The following WWOX variants were observed in gnomAD, a reference collection of about 807,000 sequenced individuals.
The protein encoded by WWOX is WW domain containing oxidoreductase.
A neutral mutation model predicts 46.2 loss-of-function variants in WWOX; 69 were observed. The observed-to-expected ratio is 1.49, with a 90% CI of 1.23 to 1.82. WWOX has a LOEUF of 1.82. WWOX is among the 40% of genes most tolerant of loss of function. WWOX has a pLI of 0.00. For synonymous variants in WWOX, 359 were observed against 202.6 expected (o/e 1.77, Z -6.56); for missense variants, 919 against 542.6 (o/e 1.69, Z -6.89).
At chr16:78,265,637 C>T (rs12922400) in intron 5 of WWOX, among the ~76,000 whole-genome samples, 97,214 of 149,674 alleles carry the variant, frequency 0.65, 32,559 homozygotes, top group East Asian at 0.88. Context: ...GAGATTGTGC[C>T]GTTGCACTCC....
chr16:78,590,694 G>A (rs1040404822), intron 8 of WWOX, among the ~76,000 whole-genome samples: 1 of 152,220 alleles, frequency 6.6e-6, no homozygotes, highest in Non-Finnish European at 1.5e-5. Flanking sequence ...TAAGTATTGA[G>A]AAGGCACATC....
chr16:78,963,336 G>A (rs1029555682), intron 8 of WWOX, among the ~76,000 whole-genome samples: 2 of 152,138 alleles, frequency 1.3e-5, no homozygotes, highest in African/African-American at 4.8e-5. Context: ...GCCCATGGTG[G>A]TGTATGCCTG....
intron 8 of WWOX, among the ~76,000 whole-genome samples, chr16:79,158,496 A>G (rs2050424707): frequency 7.4e-6 from 1 of 135,028 alleles, no homozygotes; most frequent in African/African-American, 3.8e-5. Context: ...CCACACTTAC[A>G]AATACAACTC....
intron 8 of WWOX, among the ~76,000 whole-genome samples, chr16:78,868,596 C>A (rs918522095): frequency 1.5e-4 from 23 of 152,132 alleles, no homozygotes. Flanking sequence ...CCAATAGTTA[C>A]AGGAACATAG....
At chr16:78,743,002 C>T (rs939081121) in intron 8 of WWOX, among the ~76,000 whole-genome samples, 3 of 150,840 alleles carry the variant, frequency 2.0e-5, no homozygotes, top group African/African-American at 5.0e-5. Context: ...CCCAACTCCC[C>T]ACATACAGTC....
intron 5 of WWOX, among the ~76,000 whole-genome samples, chr16:78,172,111 A>C (rs1418633684): frequency 6.6e-6 from 1 of 152,176 alleles, no homozygotes; most frequent in African/African-American, 2.4e-5. Flanking sequence ...GTGATGCCGG[A>C]AGATTGGCCT....
chr16:78,761,356 A>G (rs2049789266), intron 8 of WWOX, among the ~76,000 whole-genome samples: 1 of 152,126 alleles, frequency 6.6e-6, no homozygotes, highest in South Asian at 2.1e-4. Flanking sequence ...AAAAGACATG[A>G]TGAGTTTTCA....
At chr16:78,728,052 TTCC>T (rs1567519454) in intron 8 of WWOX, among the ~76,000 whole-genome samples, 12 of 103,572 alleles carry the variant, frequency 1.2e-4, no homozygotes, top group African/African-American at 6.2e-4. Flanking sequence ...CTCTCCCTCC[TTCC>T]TTTTTTTTTT....
chr16:78,329,954 C>G (rs917997125), intron 5 of WWOX, among the ~76,000 whole-genome samples: 2 of 152,006 alleles, frequency 1.3e-5, no homozygotes, highest in Admixed American at 6.6e-5. Flanking sequence ...CTATGTTGCC[C>G]ACAGTAACAT....
intron 8 of WWOX, among the ~76,000 whole-genome samples, chr16:78,725,123 A>C (rs999434760): frequency 1.3e-5 from 2 of 152,076 alleles, no homozygotes; most frequent in Non-Finnish European, 2.9e-5. Flanking sequence ...GTAGTGAATG[A>C]ATCTCATGAG....
chr16:79,007,917 G>T lies in WWOX; in HGVS notation c.1057-203691G>T, dbSNP rs567487546. 2.8e-4 allele frequency among the ~76,000 whole-genome samples: 43 copies of T among 152,308 alleles called. 2 individuals are homozygous for T. Among genetic ancestry groups the T allele is most frequent in the Non-Finnish European group, 1.3e-4 (9 of 68,040 alleles). ...ATGATTCCTCATAACAACCTTGGGAGGTAGTTACTTTCATTGTGTTAGCTA... is the reference window on the plus strand; with the variant it reads ...ATGATTCCTCATAACAACCTTGGGATGTAGTTACTTTCATTGTGTTAGCTA... On this transcript the variant is annotated intron_variant, in intron 8 of 8. Coordinates refer to ENST00000566780, the MANE Select transcript of WWOX (RefSeq NM_016373.4).
intron 8 of WWOX, among the ~76,000 whole-genome samples, chr16:78,757,755 TCTTTC>T (rs1243097308): frequency 3.3e-5 from 5 of 151,944 alleles, no homozygotes; most frequent in Non-Finnish European, 5.9e-5. Context: ...CTATAAATAA[TCTTTC>T]TGATTGACAG....
intron 4 of WWOX, 70 bp from the exon 5 acceptor site, chr16:78,164,113 A>G (rs2034887696): frequency 1.4e-6 from 2 of 1,400,762 alleles, no homozygotes; most frequent in Non-Finnish European, 2.0e-6. Flanking sequence ...GTGCTCCGGT[A>G]AAGGCCATTC....
chr16:78,660,919 T>G lies in WWOX; in HGVS notation c.1056+228167T>G, dbSNP rs183800552. Among the ~76,000 whole-genome samples, 206 of 152,296 alleles carry G rather than the reference T, an allele frequency of 1.4e-3. 1 individual carries two copies. Among genetic ancestry groups the G allele is most frequent in the African/African-American group, 4.4e-3 (184 of 41,550 alleles). On this transcript the variant is annotated intron_variant, in intron 8 of 8. Transcript: ENST00000566780. The stretch of plus-strand genomic sequence containing the variant: ...TGGTACCAGCACATGTAGCTCAACC[T>G]CCTAATACTGCATGACGGATAATAT...
intron 8 of WWOX, among the ~76,000 whole-genome samples, chr16:78,962,376 C>T (rs1312039841): frequency 2.3e-5 from 3 of 131,428 alleles, no homozygotes; most frequent in South Asian, 2.6e-4. Context: ...CAAGAAAAGG[C>T]CCAAAGGCTC....
chr16:78,405,784 G>A (rs759148361), intron 6 of WWOX, among the ~76,000 whole-genome samples: 1 of 152,064 alleles, frequency 6.6e-6, no homozygotes, highest in Non-Finnish European at 1.5e-5. Flanking sequence ...AACAAGGTGG[G>A]CATTATCATT....
intron 8 of WWOX, among the ~76,000 whole-genome samples, chr16:78,463,873 C>G (rs1392021236): frequency 6.6e-6 from 1 of 152,180 alleles, no homozygotes; most frequent in Non-Finnish European, 1.5e-5. Context: ...AGCTAAACTT[C>G]CTCCTTTTCT....
chr16:78,911,720 G>T (rs1453996394), intron 8 of WWOX, among the ~76,000 whole-genome samples: 2 of 151,976 alleles, frequency 1.3e-5, no homozygotes, highest in African/African-American at 4.8e-5. Context: ...ACAAAAATTA[G>T]CCAGACGTGA....
chr16:78,109,596 G>A (rs2032366602), intron 2 of WWOX, among the ~76,000 whole-genome samples, 182 bp from the exon 3 acceptor site: 1 of 152,018 alleles, frequency 6.6e-6, no homozygotes, highest in South Asian at 2.1e-4. Flanking sequence ...GCCCAGGGTG[G>A]GATCAGGGGC....
Sources: gnomAD v4.1 joint callset for allele counts (sites outside exome capture counted in the v4.1 genomes callset) on GRCh38, gnomAD v4.1.1 for gene constraint, MANE v1.5 for transcripts, NCBI Gene and HGNC (gene_info 2026-07-23, HGNC 2026-07-21) for gene names.